Variants in BCL7A observed in about 807,000 individuals in gnomAD.
The protein encoded by BCL7A is B-cell CLL/lymphoma 7 protein family member A.
BCL7A carries 11 observed loss-of-function variants against 28.4 expected under a neutral mutation model. The ratio of observed to expected loss-of-function variants is 0.39; its 90% CI spans 0.24 to 0.64. BCL7A has a LOEUF of 0.64. BCL7A is among the 30% of genes least tolerant of loss of function. The pLI is 0.50. For missense variants in BCL7A, 222 were observed against 274.8 expected, an observed-to-expected ratio of 0.81 and a Z score of 1.36; for synonymous variants, 123 against 103.3, an observed-to-expected ratio of 1.19 and a Z score of -1.15.
chr12:122,033,589 G>A (rs1049743976), intron 2 of BCL7A, among the ~76,000 whole-genome samples: 5 of 152,188 alleles, frequency 3.3e-5, no homozygotes, highest in South Asian at 2.1e-4. Context: ...TGGGATTACC[G>A]GCGTGAGCCA....
At chr12:122,022,930 T>G (rs2135833802) in intron 1 of BCL7A, among the ~76,000 whole-genome samples, 1 of 152,188 alleles carries the variant, frequency 6.6e-6, no homozygotes, top group South Asian at 2.1e-4. Context: ...AGCCGATGTT[T>G]TTGGCCAGAA....
intron 4 of BCL7A, among the ~76,000 whole-genome samples, chr12:122,045,488 C>T (rs962148028): frequency 5.9e-5 from 9 of 152,096 alleles, no homozygotes; most frequent in Admixed American, 1.3e-4. Context: ...CATGGTAAGA[C>T]GGGAGCCACT....
chr12:122,022,223 C>T (rs1478779244), intron 1 of BCL7A, 40 bp downstream of exon 1: 1 of 1,361,272 alleles, frequency 7.3e-7, no homozygotes. Context: ...TCCCCGGCCG[C>T]CCCGAGCCCG....
chr12:122,050,468 A>G (rs1043374732), intron 4 of BCL7A, among the ~76,000 whole-genome samples: 3 of 152,132 alleles, frequency 2.0e-5, no homozygotes, highest in African/African-American at 2.4e-5. Context: ...TGCGTACAGT[A>G]TGTGTCGTCC....
chr12:122,056,868 G>A (rs750743850), intron 5 of BCL7A, among the ~76,000 whole-genome samples: 5 of 152,158 alleles, frequency 3.3e-5, no homozygotes, highest in Non-Finnish European at 5.9e-5. Flanking sequence ...GACTCCCTGC[G>A]ATCCCTGCTC....
intron 3 of BCL7A, among the ~76,000 whole-genome samples, chr12:122,039,037 C>G (rs957494171): frequency 2.0e-5 from 3 of 151,934 alleles, no homozygotes; most frequent in Non-Finnish European, 4.4e-5. Context: ...TGGTTCGTAT[C>G]TATAGTCCCA....
intron 3 of BCL7A, among the ~76,000 whole-genome samples, chr12:122,036,357 T>G (rs573505900): frequency 1.7e-4 from 26 of 152,194 alleles, no homozygotes; most frequent in African/African-American, 5.8e-4. Flanking sequence ...TGATTGCACC[T>G]GAGAGTAGCT....
At chr12:122,051,866 C>CTTTTTTTTTTT (rs34244407) in intron 4 of BCL7A, among the ~76,000 whole-genome samples, 3 of 80,326 alleles carry the variant, frequency 3.7e-5, no homozygotes, top group African/African-American at 5.0e-5. Context: ...CTCTCTCTCT[C>CTTTTTTTTTTT]TTTTTTTTTT....
At chr12:122,025,058 G>A (rs1001641116) in intron 1 of BCL7A, among the ~76,000 whole-genome samples, 13 of 152,078 alleles carry the variant, frequency 8.5e-5, no homozygotes, top group African/African-American at 3.1e-4. Context: ...GCAGGCCAGT[G>A]GAGGTGAGGT....
chr12:122,052,942 A>T (rs1884225661), intron 4 of BCL7A, among the ~76,000 whole-genome samples: 1 of 138,724 alleles, frequency 7.2e-6, no homozygotes, highest in Non-Finnish European at 1.5e-5. Flanking sequence ...CACCCACCTT[A>T]GCCTCCCAAA....
At chr12:122,038,552 T>C (rs1268873135) in intron 3 of BCL7A, among the ~76,000 whole-genome samples, 1 of 146,990 alleles carries the variant, frequency 6.8e-6, no homozygotes, top group Non-Finnish European at 1.5e-5. Context: ...TTTTCAGAAA[T>C]AGATATGTGA....
chr12:122,026,435 C>G (rs1383624236), intron 1 of BCL7A, among the ~76,000 whole-genome samples: 1 of 152,074 alleles, frequency 6.6e-6, no homozygotes, highest in East Asian at 1.9e-4. Flanking sequence ...AGGGTGAGAC[C>G]TTGTCTCAAA....
chr12:122,039,316 A>T (rs115335707), intron 3 of BCL7A, among the ~76,000 whole-genome samples: 4,961 of 148,340 alleles, frequency 0.033, 298 homozygotes, highest in African/African-American at 0.11. Context: ...AGATTAAAAA[A>T]AAAAATAATA....
At chr12:122,050,438 G>A (rs1219323760) in intron 4 of BCL7A, among the ~76,000 whole-genome samples, 1 of 152,190 alleles carries the variant, frequency 6.6e-6, no homozygotes, top group Non-Finnish European at 1.5e-5. Context: ...GTGCCCTAGC[G>A]GCTTTGCCAT....
intron 5 of BCL7A, 136 bp from the exon 6 acceptor site, chr12:122,058,956 G>A (rs1054870579): frequency 2.6e-5 from 17 of 663,456 alleles, no homozygotes; most frequent in African/African-American, 1.4e-4. Context: ...CTTGGGCCTC[G>A]GGTCTGGAAC....
At position 122,043,887 on chromosome 12, in the gene BCL7A, C is replaced by T. The variant is rs144413405; in HGVS notation, c.273C>T (p.Asp91=). The change falls in exon 4 of 6, where the codon GAC becomes GAT. Residue 91 remains aspartate, a splice_region_variant and synonymous_variant. Coordinates refer to ENST00000261822, the MANE Select transcript of BCL7A (RefSeq NM_001024808.3). ...SSSPGMMDMH[D]DNSNQSSIAD... ...TGGTTCTGTTCCCACCCCCTACAGA[C>T]GATAACAGCAACCAGAGCTCCATCG... The T allele has an allele frequency of 1.6e-4, 256 of 1,612,250 alleles. No individual in the cohort carries two copies. The highest frequency in any genetic ancestry group is 1.8e-4 in the Non-Finnish European group (217 of 1,179,390).
At position 122,061,398 on chromosome 12, in the gene BCL7A, C is replaced by T. The variant is rs1428676876; in HGVS notation, c.*2235C>T. 4 of 231,488 alleles carry T rather than the reference C, an allele frequency of 1.7e-5. No homozygotes were observed. The highest frequency in any genetic ancestry group is 1.2e-4 in the East Asian group (2 of 16,406). 14.3% of individuals were successfully genotyped at this position (231,488 alleles called of 1,614,324 possible). A position where few individuals can be genotyped will look rare whatever the true frequency, so the allele number is the denominator to read the frequency against. On this transcript the variant is annotated 3_prime_UTR_variant, in exon 6 of 6. Coordinates refer to ENST00000261822, the MANE Select transcript of BCL7A (RefSeq NM_001024808.3). Reference sequence around the variant, plus strand: ...GTGCCTGAAGGTAGGAATGGGCCGGCGATTGGGACCAGCTGGGCCCCACCA... The same window carrying T: ...GTGCCTGAAGGTAGGAATGGGCCGGTGATTGGGACCAGCTGGGCCCCACCA...
At chr12:122,032,603 G>A (rs554301038) in intron 2 of BCL7A, among the ~76,000 whole-genome samples, 1 of 152,348 alleles carries the variant, frequency 6.6e-6, no homozygotes, top group Admixed American at 6.5e-5. Context: ...GGGACCGTTT[G>A]ATTTGGAGGC....
Position 122,059,527 on chromosome 12 carries a change from G to A in BCL7A, c.*364G>A, listed in dbSNP as rs941801973. 2.4e-5 allele frequency: 6 copies of A among 252,572 alleles called. No individual in the cohort carries two copies. The highest frequency in any genetic ancestry group is 4.4e-5 in the African/African-American group (2 of 45,962). The allele number at this position is 252,572 out of a possible 1,614,324, so 15.6% of individuals were successfully genotyped here. A position where few individuals can be genotyped will look rare whatever the true frequency, so the allele number is the denominator to read the frequency against. ...TCGGAGGGTGGTACCGATCAGGAAC[G>A]CTTTTTGGCGGGGCTTTCCACTGTT... On this transcript the variant is annotated 3_prime_UTR_variant, in exon 6 of 6. Coordinates refer to ENST00000261822, the MANE Select transcript of BCL7A (RefSeq NM_001024808.3). This position sits in a 1 kb window ranked among gnomAD's most constrained non-coding sequence, Gnocchi z 4.0.
Sources: allele counts gnomAD v4.1 joint callset (sites outside exome capture counted in the v4.1 genomes callset), GRCh38; gene constraint gnomAD v4.1.1; non-coding constraint Gnocchi (gnomAD v3.1); transcripts MANE v1.5; gene names NCBI Gene and HGNC (gene_info 2026-07-23, HGNC 2026-07-21).